The following HELZ variants were observed in gnomAD, a reference collection of about 807,000 sequenced individuals.
HELZ encodes ATP-dependent RNA helicase with zinc finger domain.
Under a neutral mutation model 218.2 loss-of-function variants are expected in HELZ, and 23 were observed. The ratio of observed to expected loss-of-function variants is 0.11; its 90% CI spans 0.08 to 0.15. The LOEUF is 0.15. Among genes scored for constraint, HELZ ranks in the 10% least tolerant of loss-of-function variants. HELZ has a pLI of 1.00. For missense variants in HELZ, 1,813 were observed against 2,353.7 expected, an observed-to-expected ratio of 0.77 and a Z score of 4.75; for synonymous variants, 814 against 829.4, an observed-to-expected ratio of 0.98 and a Z score of 0.32.
intron 12 of HELZ, among the ~76,000 whole-genome samples, chr17:67,182,918 G>A (rs1471832263): frequency 6.6e-6 from 1 of 152,150 alleles, no homozygotes; most frequent in Middle Eastern, 3.2e-3. Flanking sequence ...AACAGGACCT[G>A]GAAGGTAGAT....
intron 12 of HELZ, among the ~76,000 whole-genome samples, chr17:67,184,520 C>T (rs185405340): frequency 1.2e-3 from 181 of 152,166 alleles, no homozygotes; most frequent in East Asian, 1.2e-3. Flanking sequence ...ACATACTGGC[C>T]GGGCATGGTG....
chr17:67,174,070 C>A (rs1340532272), intron 13 of HELZ, among the ~76,000 whole-genome samples: 1 of 151,708 alleles, frequency 6.6e-6, no homozygotes, highest in Admixed American at 6.6e-5. Context: ...AGAAGTAAAA[C>A]AAATCTCAAA....
chr17:67,102,421 T>G (rs1399311543), intron 31 of HELZ, among the ~76,000 whole-genome samples: 1 of 152,106 alleles, frequency 6.6e-6, no homozygotes, highest in Non-Finnish European at 1.5e-5. Flanking sequence ...CACAAGAAAA[T>G]CAAAATTACT....
chr17:67,241,114 G>A (rs1279723582), intron 2 of HELZ, among the ~76,000 whole-genome samples: 1 of 152,166 alleles, frequency 6.6e-6, no homozygotes. Context: ...TGGTAAGATA[G>A]TATGGCATAC....
At position 67,109,399 on chromosome 17, in the gene HELZ, G is replaced by A. The variant is rs1266524765; in HGVS notation, c.4206C>T (p.Val1402=). The A allele has an allele frequency of 6.2e-7, 1 of 1,614,192 alleles. No homozygotes were observed. Among genetic ancestry groups the A allele is most frequent in the Non-Finnish European group, 8.5e-7 (1 of 1,180,036 alleles). The change falls in exon 29 of 33, where the codon GTC becomes GTT. Residue 1402 remains valine (V), a synonymous_variant. Coordinates refer to ENST00000358691, the MANE Select transcript of HELZ (RefSeq NM_014877.4). ...NQIPPQPNQV[V]QQQSQLNQQP... is the part of the protein sequence containing the mutation. ...GCTGATTCAACTGACTTTGCTGCTG[G>A]ACTACCTGATTTGGCTGAGGTGGTA...
At position 67,094,208 on chromosome 17, in the gene HELZ, G is replaced by C. The variant is rs549885658; in HGVS notation, c.5242-7127C>G. 8.5e-5 allele frequency among the ~76,000 whole-genome samples: 13 copies of C among 152,218 alleles called. No individual in the cohort carries two copies. The Middle Eastern group carries it at 0.014, about 159-fold the overall frequency. On this transcript the variant is annotated intron_variant, in intron 31 of 32. Transcript: ENST00000358691. ...GTGGTGGCATGCATCTGTAGTCCCA[G>C]CTACTTAGGGGGCTGAGGTGGGATG...
At chr17:67,091,846 A>C (rs1461039098) in intron 31 of HELZ, among the ~76,000 whole-genome samples, 1 of 152,136 alleles carries the variant, frequency 6.6e-6, no homozygotes, top group Non-Finnish European at 1.5e-5. Context: ...GAAATCCTTG[A>C]TTATAGAACA....
intron 3 of HELZ, among the ~76,000 whole-genome samples, chr17:67,235,305 G>A (rs1473617282): frequency 1.3e-5 from 2 of 152,088 alleles, no homozygotes; most frequent in African/African-American, 2.4e-5. Flanking sequence ...AGAAGTTCAA[G>A]ACCAGCCTGA....
At chr17:67,131,924 T>C (rs910530247) in intron 23 of HELZ, among the ~76,000 whole-genome samples, 2 of 152,142 alleles carry the variant, frequency 1.3e-5, no homozygotes, top group African/African-American at 2.4e-5. Context: ...ATACAGATAA[T>C]TGACAGATCA....
Position 67,108,415 on chromosome 17 carries a change from G to T in HELZ, c.4724+77C>A. 2 of 1,087,116 alleles carry T rather than the reference G, an allele frequency of 1.8e-6. No homozygotes were observed. Among genetic ancestry groups the T allele is most frequent in the Non-Finnish European group, 2.8e-6 (2 of 723,986 alleles). The allele number at this position is 1,087,116 out of a possible 1,614,324, so 67.3% of individuals were successfully genotyped here. On this transcript the variant is annotated intron_variant, in intron 30 of 32. Coordinates refer to ENST00000358691, the MANE Select transcript of HELZ (RefSeq NM_014877.4). This position sits in a 1 kb window ranked among gnomAD's most constrained non-coding sequence, Gnocchi z 4.1. ...CTCTGAGGCAATATTCCAGCTTGAA[G>T]CTAAAAGGACTACAGTCAAAAAAGA...
At chr17:67,241,227 C>T (rs1054925240) in intron 2 of HELZ, among the ~76,000 whole-genome samples, 5 of 152,188 alleles carry the variant, frequency 3.3e-5, no homozygotes, top group African/African-American at 1.2e-4. Context: ...AAAATTAAAC[C>T]TAAAAATTTG....
In HELZ at chr17:67,188,306, G is replaced by C; in HGVS notation, c.1162+13C>G. 6.3e-7 allele frequency: 1 copy of C among 1,594,784 alleles called. No homozygotes were observed. The highest frequency in any genetic ancestry group is 1.7e-5 in the Admixed American group (1 of 58,768). On this transcript the variant is annotated intron_variant, in intron 12 of 32. Coordinates refer to ENST00000358691, the MANE Select transcript of HELZ (RefSeq NM_014877.4). This position sits in a 1 kb window ranked among gnomAD's most constrained non-coding sequence, Gnocchi z 4.1. ...TAACACATTGTATCGGGGGAAAAAA[G>C]TCTAAATATTACCTTCTGTAGAAGC...
rs1337109225 is a variant in HELZ at position 67,086,948 on chromosome 17, T to C, written c.5375A>G (p.Asn1792Ser). Residue 1792 changes from asparagine to serine, a missense_variant, in exon 32 of 33, where the codon AAC becomes AGC. Around this residue, in one of 4 missense-constraint regions of HELZ, gnomAD observed 938 missense variants for 1,027.5 expected, o/e 0.91. Coordinates refer to ENST00000358691, the MANE Select transcript of HELZ (RefSeq NM_014877.4). ...AQCKELQDHS[N>S]QSSFNFSSPE... is the part of the protein sequence containing the mutation. ...GGATGAAAAGTTGAAAGAAGATTGGTTACTGTGGTCCTGAAGCTCTTTACA... is the reference window on the plus strand; with the variant it reads ...GGATGAAAAGTTGAAAGAAGATTGGCTACTGTGGTCCTGAAGCTCTTTACA... 1 of 1,613,884 alleles carries C rather than the reference T, an allele frequency of 6.2e-7. No individual in the cohort carries two copies.
In HELZ at chr17:67,125,343, T is replaced by TACAC. The variant is rs1359179251; in HGVS notation, c.3388-1330_3388-1329insGTGT. On this transcript the variant is annotated intron_variant, in intron 24 of 32. Transcript: ENST00000358691. Reference sequence around the variant, plus strand: ...ATATATATATATATATATATATATATATACTTGTGAGGAATAGAGACGTGA... The same window carrying TACAC: ...ATATATATATATATATATATATATATACACATACTTGTGAGGAATAGAGACGTGA... Among the ~76,000 whole-genome samples the TACAC allele has an allele frequency of 3.4e-4, 21 of 61,394 alleles. 2 individuals are homozygous for TACAC. Among genetic ancestry groups the TACAC allele is most frequent in the African/African-American group, 1.3e-3 (19 of 14,428 alleles). 40.3% of individuals were successfully genotyped at this position (61,394 alleles called of 152,430 possible).
At chr17:67,224,994 T>C in intron 3 of HELZ, 1 of 695,148 alleles carries the variant, frequency 1.4e-6, no homozygotes, top group South Asian at 1.4e-5. Context: ...ATGCAAGCAT[T>C]TTGAACTGGA....
intron 31 of HELZ, among the ~76,000 whole-genome samples, chr17:67,101,624 A>C (rs762287215): frequency 2.0e-5 from 3 of 152,200 alleles, no homozygotes; most frequent in Non-Finnish European, 2.9e-5. Flanking sequence ...AAAATCCTTA[A>C]TCATGCCAAA....
chr17:67,091,217 G>A (rs2036565836), intron 31 of HELZ, among the ~76,000 whole-genome samples: 1 of 151,744 alleles, frequency 6.6e-6, no homozygotes, highest in Admixed American at 6.6e-5. Flanking sequence ...CTACAATAAA[G>A]TAAAAATTCA....
At chr17:67,137,210 G>A (rs941552400) in intron 22 of HELZ, among the ~76,000 whole-genome samples, 10 of 152,144 alleles carry the variant, frequency 6.6e-5, no homozygotes, top group African/African-American at 2.4e-4. Flanking sequence ...CAATGCTGAT[G>A]TCAATCTTTA....
chr17:67,123,117 T>C lies in HELZ; in HGVS notation c.3483A>G (p.Ala1161=), dbSNP rs762417645. Residue 1161 remains alanine (A), a synonymous_variant, in exon 26 of 33, where the codon GCA becomes GCG. Transcript: ENST00000358691. ...GTCCAAGAGGGGGTGGAGGAGTATA[T>C]GCTCTAATAGGATTGCCAATAAGTA... ...PSVLIGNPIR[A]YTPPPPLGPH... is the part of the protein sequence containing the mutation. 3 of 1,613,726 alleles carry C rather than the reference T, an allele frequency of 1.9e-6. No homozygotes were observed. Among genetic ancestry groups the C allele is most frequent in the East Asian group, 4.5e-5 (2 of 44,842 alleles).
Sources: allele counts gnomAD v4.1 joint callset (sites outside exome capture counted in the v4.1 genomes callset), GRCh38; gene constraint gnomAD v4.1.1; regional missense constraint gnomAD v4.1.1; non-coding constraint Gnocchi (gnomAD v3.1); transcripts MANE v1.5; gene names NCBI Gene and HGNC (gene_info 2026-07-23, HGNC 2026-07-21).